The following PDE10A variants were observed in gnomAD, a reference collection of about 807,000 sequenced individuals.
PDE10A encodes the protein phosphodiesterase 10A.
In PDE10A, 39 loss-of-function variants were observed where a neutral mutation model predicts 97.7. The observed-to-expected ratio is 0.40, with a 90% confidence interval of 0.31 to 0.52. The LOEUF is 0.52. Ranked by LOEUF, PDE10A falls within the 20% of genes least tolerant of loss-of-function variation. The pLI, the probability that PDE10A is intolerant of heterozygous loss-of-function variation, is 0.56. For synonymous variants in PDE10A, 371 were observed against 376.8 expected, an observed-to-expected ratio of 0.98 and a Z score of 0.18; for missense variants, 731 against 1,047.8, an observed-to-expected ratio of 0.70 and a Z score of 4.17.
chr6:165,596,428 T>C (rs1369005772), intron 1 of PDE10A, among the ~76,000 whole-genome samples: 1 of 152,214 alleles, frequency 6.6e-6, no homozygotes, highest in Non-Finnish European at 1.5e-5. Context: ...GTCACTTATC[T>C]GCTTAAAACT....
intron 1 of PDE10A, among the ~76,000 whole-genome samples, chr6:165,852,985 G>A (rs925985954): frequency 3.0e-4 from 45 of 152,224 alleles, no homozygotes; most frequent in African/African-American, 1.0e-3. Flanking sequence ...GTGGACGCCC[G>A]ATGATCATAC....
intron 1 of PDE10A, among the ~76,000 whole-genome samples, chr6:165,550,312 T>C (rs1430355909): frequency 6.6e-6 from 1 of 152,204 alleles, no homozygotes; most frequent in African/African-American, 2.4e-5. Context: ...TAACCAATAA[T>C]CTCTTATTTA....
chr6:165,476,093 T>A (rs931054912), intron 3 of PDE10A, among the ~76,000 whole-genome samples: 3 of 150,456 alleles, frequency 2.0e-5, no homozygotes, highest in African/African-American at 7.4e-5. Flanking sequence ...AGAGCAGACC[T>A]AAAATCACTC....
chr6:165,745,163 G>T (rs566400631), intron 1 of PDE10A, among the ~76,000 whole-genome samples: 1 of 152,102 alleles, frequency 6.6e-6, no homozygotes, highest in South Asian at 2.1e-4. Flanking sequence ...TGACATCTGG[G>T]GCTCAGAGCT....
chr6:165,601,813 G>A (rs983624878), intron 1 of PDE10A, among the ~76,000 whole-genome samples: 9 of 152,002 alleles, frequency 5.9e-5, no homozygotes, highest in Non-Finnish European at 1.0e-4. Context: ...TAATTACATA[G>A]CCTCCTCTCA....
At position 165,533,451 on chromosome 6, in the gene PDE10A, G is replaced by A. The variant is rs150621285; in HGVS notation, c.994+9989C>T. 7.6e-4 allele frequency among the ~76,000 whole-genome samples: 116 copies of A among 152,272 alleles called. 1 individual carries two copies. Among genetic ancestry groups the A allele is most frequent in the African/African-American group, 2.7e-3 (113 of 41,572 alleles). On this transcript the variant is annotated intron_variant, in intron 2 of 21. Coordinates refer to ENST00000539869, the MANE Select transcript of PDE10A (RefSeq NM_001385079.1). ...GTAGGTAGCTATAATACAATGGTAA[G>A]TATCTGTGTGTCTAAACACAGAAAA... is the stretch of plus-strand genomic sequence containing the variant.
rs537095435 is a variant in PDE10A at position 165,573,078 on chromosome 6, C to T, written c.866-29510G>A. ...TGCTAGGCTATTTAGATTTTCAGGT[C>T]TTTCATCCTGATATAGGCACCTTGG... On this transcript the variant is annotated intron_variant, in intron 1 of 21. Transcript: ENST00000539869. Among the ~76,000 whole-genome samples the T allele has an allele frequency of 1.6e-4, 24 of 152,244 alleles. No homozygotes were observed. The East Asian group carries it at 4.6e-3, about 29-fold the overall frequency.
intron 1 of PDE10A, among the ~76,000 whole-genome samples, chr6:165,932,572 G>C (rs533235276): frequency 6.6e-6 from 1 of 152,310 alleles, no homozygotes; most frequent in South Asian, 2.1e-4. Flanking sequence ...CTGACCTCAA[G>C]TGATCCCCCT....
chr6:165,902,312 G>C (rs1359749314), intron 1 of PDE10A, among the ~76,000 whole-genome samples: 1 of 152,214 alleles, frequency 6.6e-6, no homozygotes, highest in Non-Finnish European at 1.5e-5. Flanking sequence ...GGCTGGATTT[G>C]TGTGATGCAA....
At chr6:165,732,239 AT>A (rs1351727616) in intron 1 of PDE10A, among the ~76,000 whole-genome samples, 2 of 152,262 alleles carry the variant, frequency 1.3e-5, no homozygotes, top group East Asian at 3.9e-4. Context: ...GATTTTTATG[AT>A]TTAAGGTAAC....
In PDE10A at chr6:165,653,199, A is replaced by G. The variant is rs1789768866; in HGVS notation, c.865+8748T>C. Among the ~76,000 whole-genome samples, 4 of 152,288 alleles carry G rather than the reference A, an allele frequency of 2.6e-5. No individual in the cohort carries two copies. The South Asian group carries it at 8.3e-4, about 32-fold the overall frequency. On this transcript the variant is annotated intron_variant, in intron 1 of 21. Coordinates refer to ENST00000539869, the MANE Select transcript of PDE10A (RefSeq NM_001385079.1). Reference sequence around the variant, plus strand: ...TTCAGTCATATTCCCTCACTTAAGCACCTTCACTATTTATTCATTCATTCA... The same window carrying G: ...TTCAGTCATATTCCCTCACTTAAGCGCCTTCACTATTTATTCATTCATTCA...
At chr6:165,508,315 T>C (rs1345694615) in intron 2 of PDE10A, among the ~76,000 whole-genome samples, 2 of 152,076 alleles carry the variant, frequency 1.3e-5, no homozygotes, top group African/African-American at 2.4e-5. Context: ...AGTAGCATAG[T>C]ACAGTCCTCT....
chr6:165,465,250 T>C (rs1778568331), intron 3 of PDE10A, among the ~76,000 whole-genome samples: 1 of 152,184 alleles, frequency 6.6e-6, no homozygotes, highest in Non-Finnish European at 1.5e-5. Context: ...GAAGGAAATC[T>C]GCGAGCTACA....
At chr6:165,729,201 CA>C (rs34154347) in intron 1 of PDE10A, among the ~76,000 whole-genome samples, 39,574 of 125,248 alleles carry the variant, frequency 0.32, 6,183 homozygotes, top group Middle Eastern at 0.47. Context: ...GACTCCATCT[CA>C]AAAAAAAAAA....
intron 13 of PDE10A, among the ~76,000 whole-genome samples, chr6:165,409,009 C>CA (rs1787472882): frequency 6.7e-6 from 1 of 150,348 alleles, no homozygotes; most frequent in Admixed American, 6.6e-5. Context: ...ACTAAAAATA[C>CA]AAAAAATTAG....
intron 1 of PDE10A, among the ~76,000 whole-genome samples, chr6:165,977,009 C>G (rs777836681): frequency 3.7e-4 from 57 of 152,130 alleles, no homozygotes; most frequent in Admixed American, 6.5e-5. Flanking sequence ...TAGGCTGGAG[C>G]CAAATGTGAA....
chr6:165,982,091 TA>T (rs1168352054), intron 1 of PDE10A, among the ~76,000 whole-genome samples: 1 of 152,254 alleles, frequency 6.6e-6, no homozygotes, highest in African/African-American at 2.4e-5. Flanking sequence ...GGTGTTATTG[TA>T]ATGTCAGAGA....
chr6:165,981,794 G>A (rs1785027587), intron 1 of PDE10A, among the ~76,000 whole-genome samples: 1 of 152,164 alleles, frequency 6.6e-6, no homozygotes, highest in Non-Finnish European at 1.5e-5. Context: ...TCTTCCGAGG[G>A]CCATGCCCAT....
intron 1 of PDE10A, among the ~76,000 whole-genome samples, chr6:165,631,659 G>C (rs1238986770): frequency 6.6e-6 from 1 of 152,102 alleles, no homozygotes; most frequent in Non-Finnish European, 1.5e-5. Context: ...CAGAATAAAT[G>C]GATAAATAAC....
Sources: allele counts gnomAD v4.1 joint callset (sites outside exome capture counted in the v4.1 genomes callset), GRCh38; gene constraint gnomAD v4.1.1; transcripts MANE v1.5; gene names NCBI Gene and HGNC (gene_info 2026-07-23, HGNC 2026-07-21).